KIAA1328: variants seen among roughly 807,000 people sequenced by gnomAD.
The protein encoded by KIAA1328 is KIAA1328.
Under a neutral mutation model 68.1 loss-of-function variants are expected in KIAA1328, and 52 were observed. The ratio of observed to expected loss-of-function variants is 0.76; its 90% CI spans 0.61 to 0.96. The LOEUF is 0.96. Ranked by LOEUF, KIAA1328 falls within the 40% of genes least tolerant of loss-of-function variation. KIAA1328 has a pLI of 0.00. For synonymous variants in KIAA1328, 232 were observed against 239.4 expected, an observed-to-expected ratio of 0.97 and a Z score of 0.28; for missense variants, 641 against 677.6, an observed-to-expected ratio of 0.95 and a Z score of 0.60.
At position 37,222,258 on chromosome 18, in the gene KIAA1328, G is replaced by C; in HGVS notation, c.*31G>C. 1 of 1,550,564 alleles carries C rather than the reference G, an allele frequency of 6.4e-7. No individual in the cohort carries two copies. On this transcript the variant is annotated 3_prime_UTR_variant, in exon 10 of 10. Coordinates refer to ENST00000280020, the MANE Select transcript of KIAA1328 (RefSeq NM_020776.3). ...TGCAAAATTTTCTTAGGAAATTTGT[G>C]GGTTTCCTCACATACTGATCTAGGA...
intron 6 of KIAA1328, among the ~76,000 whole-genome samples, chr18:37,043,399 A>T (rs1046097246): frequency 1.3e-5 from 2 of 152,132 alleles, no homozygotes; most frequent in African/African-American, 4.8e-5. Context: ...CTTTCTCTCG[A>T]AAGTTGTTAT....
chr18:37,088,044 C>A (rs2057157190), intron 7 of KIAA1328, among the ~76,000 whole-genome samples: 1 of 152,200 alleles, frequency 6.6e-6, no homozygotes, highest in South Asian at 2.1e-4. Context: ...TCACTACCAT[C>A]TGCATTTCTA....
At chr18:37,186,720 G>A (rs573688499) in intron 9 of KIAA1328, among the ~76,000 whole-genome samples, 4 of 151,848 alleles carry the variant, frequency 2.6e-5, no homozygotes, top group Non-Finnish European at 4.4e-5. Flanking sequence ...AAATCCTAAC[G>A]AAAGAAAGAA....
At chr18:36,988,329 A>G (rs917897465) in intron 6 of KIAA1328, among the ~76,000 whole-genome samples, 1 of 152,118 alleles carries the variant, frequency 6.6e-6, no homozygotes, top group Admixed American at 6.6e-5. Flanking sequence ...CCATGTTTCA[A>G]CTCTTTTTTA....
chr18:37,050,555 A>C (rs2055653888), intron 6 of KIAA1328, among the ~76,000 whole-genome samples: 1 of 152,242 alleles, frequency 6.6e-6, no homozygotes, highest in Non-Finnish European at 1.5e-5. Context: ...TATATATGTG[A>C]AAATGATTTG....
At chr18:36,862,313 C>T (rs934402323) in intron 4 of KIAA1328, among the ~76,000 whole-genome samples, 2 of 152,122 alleles carry the variant, frequency 1.3e-5, no homozygotes, top group African/African-American at 4.8e-5. Context: ...GAAACAGTTT[C>T]TTTTCTACTC....
At chr18:36,855,698 T>G (rs1329284175) in intron 4 of KIAA1328, among the ~76,000 whole-genome samples, 2 of 152,048 alleles carry the variant, frequency 1.3e-5, no homozygotes, top group Non-Finnish European at 2.9e-5. Context: ...CTTGTGTTTC[T>G]AGTGTCAGAT....
intron 7 of KIAA1328, among the ~76,000 whole-genome samples, chr18:37,152,256 A>T (rs2059052067): frequency 6.6e-6 from 1 of 152,132 alleles, no homozygotes; most frequent in African/African-American, 2.4e-5. Flanking sequence ...GAACAGTAGA[A>T]TTTTAGAAAA....
chr18:36,963,858 C>A (rs975786858), intron 6 of KIAA1328, among the ~76,000 whole-genome samples: 5 of 152,194 alleles, frequency 3.3e-5, no homozygotes, highest in Non-Finnish European at 7.3e-5. Flanking sequence ...GGTTTTTGTA[C>A]ACTCAGAGCC....
intron 7 of KIAA1328, among the ~76,000 whole-genome samples, chr18:37,110,831 G>A (rs914896775): frequency 3.9e-5 from 6 of 152,132 alleles, no homozygotes; most frequent in African/African-American, 1.4e-4. Context: ...TGCCGTCTCA[G>A]AAGAACTTGC....
At chr18:36,842,087 A>G (rs1450147643) in intron 3 of KIAA1328, among the ~76,000 whole-genome samples, 2 of 152,202 alleles carry the variant, frequency 1.3e-5, no homozygotes, top group East Asian at 3.8e-4. Flanking sequence ...CAAAAAGGCA[A>G]AAAGGGAACA....
At chr18:37,022,667 G>T (rs1394005292) in intron 6 of KIAA1328, among the ~76,000 whole-genome samples, 1 of 152,088 alleles carries the variant, frequency 6.6e-6, no homozygotes, top group Admixed American at 6.5e-5. Context: ...ATTTTACATG[G>T]CTGTTTAAGG....
At chr18:36,923,369 CTATT>C (rs1249631342) in intron 5 of KIAA1328, among the ~76,000 whole-genome samples, 2 of 151,988 alleles carry the variant, frequency 1.3e-5, no homozygotes, top group African/African-American at 4.8e-5. Flanking sequence ...GCCAACCTGG[CTATT>C]TGAGAAGATA....
At chr18:37,140,558 C>G (rs192786137) in intron 7 of KIAA1328, among the ~76,000 whole-genome samples, 139 of 151,902 alleles carry the variant, frequency 9.2e-4, no homozygotes, top group Non-Finnish European at 1.9e-3. Context: ...TTTTTCTTTC[C>G]CCACCCTAAA....
intron 5 of KIAA1328, among the ~76,000 whole-genome samples, chr18:36,906,845 G>A (rs992926944): frequency 6.0e-4 from 92 of 152,096 alleles, no homozygotes; most frequent in African/African-American, 1.9e-3. Flanking sequence ...TGGTAACACT[G>A]TGTTTAGCTT....
intron 5 of KIAA1328, among the ~76,000 whole-genome samples, chr18:36,893,395 G>A (rs1417246146): frequency 6.6e-6 from 1 of 151,336 alleles, no homozygotes; most frequent in Non-Finnish European, 1.5e-5. Flanking sequence ...AGCCACCGTA[G>A]TCACTGGAAC....
chr18:37,088,838 A>G (rs1475530974), intron 7 of KIAA1328, among the ~76,000 whole-genome samples: 7 of 152,148 alleles, frequency 4.6e-5, no homozygotes, highest in Non-Finnish European at 8.8e-5. Context: ...TAATGTCAAC[A>G]TATCTCTTAT....
chr18:36,969,286 A>T, intron 6 of KIAA1328, among the ~76,000 whole-genome samples: 1 of 152,206 alleles, frequency 6.6e-6, no homozygotes, highest in East Asian at 1.9e-4. Context: ...AGCCAAAATC[A>T]GAGCTTAACT....
chr18:37,136,401 G>A (rs181220220), intron 7 of KIAA1328, among the ~76,000 whole-genome samples: 11 of 152,206 alleles, frequency 7.2e-5, no homozygotes, highest in East Asian at 5.8e-4. Flanking sequence ...TGTCTTTCTC[G>A]TCTTGTGCCA....
Sources: allele counts gnomAD v4.1 joint callset (sites outside exome capture counted in the v4.1 genomes callset), GRCh38; gene constraint gnomAD v4.1.1; transcripts MANE v1.5; gene names NCBI Gene and HGNC (gene_info 2026-07-23, HGNC 2026-07-21).